DYNC2LI1: variants seen among roughly 807,000 people sequenced by gnomAD.
DYNC2LI1 encodes cytoplasmic dynein 2 light intermediate chain 1.
DYNC2LI1 carries 45 observed loss-of-function variants against 51.9 expected under a neutral mutation model. That is an observed-to-expected ratio of 0.87 (90% CI 0.68 to 1.11). The LOEUF (loss-of-function observed/expected upper bound fraction) is 1.11, where lower values mean the gene tolerates loss of function less well. Among genes scored for constraint, DYNC2LI1 ranks in the 50% most tolerant of loss-of-function variants. The pLI is 0.00. For synonymous variants in DYNC2LI1, 130 were observed against 137.8 expected, an observed-to-expected ratio of 0.94 and a Z score of 0.40; for missense variants, 490 against 417.4, an observed-to-expected ratio of 1.17 and a Z score of -1.51.
rs762110402 is a variant in DYNC2LI1 at position 43,787,222 on chromosome 2, A to T, written c.203A>T (p.Tyr68Phe). ...PKPTLALEYT[Y>F]GRRAKGHNTP... Reference sequence around the variant, plus strand: ...CCAACCTTAGCTTTGGAATATACATATGGAAGAAGAGCAAAAGGGCACAAC... The same window carrying T: ...CCAACCTTAGCTTTGGAATATACATTTGGAAGAAGAGCAAAAGGGCACAAC... Residue 68 changes from tyrosine (Y) to phenylalanine (F), a missense_variant, in exon 4 of 13, where the codon TAT (tyrosine) becomes TTT (phenylalanine). Coordinates refer to ENST00000260605, the MANE Select transcript of DYNC2LI1 (RefSeq NM_016008.4). 40 of 1,613,416 alleles carry T rather than the reference A, an allele frequency of 2.5e-5. No homozygotes were observed. The South Asian group carries it at 4.1e-4, about 16-fold the overall frequency.
intron 5 of DYNC2LI1, chr2:43,793,731 A>T (rs1192598050): frequency 6.6e-6 from 1 of 151,832 alleles, no homozygotes; most frequent in Non-Finnish European, 1.5e-5. Context: ...ATGAGCCACC[A>T]TCCCTGGCCT....
intron 2 of DYNC2LI1, among the ~76,000 whole-genome samples, chr2:43,779,102 T>G (rs1036833118): frequency 6.6e-6 from 1 of 151,834 alleles, no homozygotes; most frequent in Non-Finnish European, 1.5e-5. Flanking sequence ...CCCAAAAAAA[T>G]AAAACAATTA....
At chr2:43,822,480 C>G in the DYNC2LI1 span, 371 of 737,028 alleles carry the variant, frequency 5.0e-4, 35 homozygotes, top group South Asian at 2.3e-3. Context: ...TCCCCCAGGC[C>G]CCCCCCCATG....
In DYNC2LI1 at chr2:43,809,686, A is replaced by C. The variant is rs534351440; in HGVS notation, c.994-19A>C. On this transcript the variant is annotated intron_variant, in intron 12 of 12. Transcript: ENST00000260605. ...AGTAAAGTTGATTTTTCTTAAAGTG[A>C]TACATATTTTTGTTTTAGGAACTGG... 3.8e-6 allele frequency: 6 copies of C among 1,582,422 alleles called. No homozygotes were observed. In the African/African-American group the frequency reaches 4.1e-5, roughly 11 times the overall value.
the DYNC2LI1 span, among the ~76,000 whole-genome samples, chr2:43,826,791 G>A: frequency 6.6e-6 from 1 of 152,332 alleles, no homozygotes; most frequent in African/African-American, 2.4e-5. Flanking sequence ...GGCCATCTGG[G>A]CTCTGCTCAG....
chr2:43,792,893 C>T (rs963316578), intron 5 of DYNC2LI1: 44 of 1,294,070 alleles, frequency 3.4e-5, no homozygotes, highest in South Asian at 2.5e-4. Context: ...TTCAGTTATC[C>T]GTTAATCCAT....
the DYNC2LI1 span, chr2:43,822,498 G>C: frequency 1.1e-6 from 1 of 937,092 alleles, no homozygotes; most frequent in African/African-American, 1.9e-5. Context: ...ATGCACCTGG[G>C]TCCTAGCTAC....
At chr2:43,817,969 C>T in the DYNC2LI1 span, among the ~76,000 whole-genome samples, 1 of 152,126 alleles carries the variant, frequency 6.6e-6, no homozygotes, top group Non-Finnish European at 1.5e-5. Flanking sequence ...AACATTACAG[C>T]TTAGCCTGGT....
chr2:43,824,054 T>C, the DYNC2LI1 span: 8 of 1,614,102 alleles, frequency 5.0e-6, no homozygotes, highest in African/African-American at 2.7e-5. Context: ...AAACCCATGA[T>C]CAGATTCTGA....
At chr2:43,828,178 G>C in the DYNC2LI1 span, 2 of 1,609,386 alleles carry the variant, frequency 1.2e-6, no homozygotes, top group Admixed American at 3.3e-5. Context: ...CAATTCATGG[G>C]CTGGGGAGGA....
chr2:43,827,486 T>C, the DYNC2LI1 span, among the ~76,000 whole-genome samples: 6 of 151,644 alleles, frequency 4.0e-5, no homozygotes, highest in Non-Finnish European at 8.8e-5. Context: ...AGTGGCGAGG[T>C]TTCCCCAGGT....
chr2:43,798,918 T>G (rs1203956823), intron 8 of DYNC2LI1, among the ~76,000 whole-genome samples: 12 of 108,748 alleles, frequency 1.1e-4, no homozygotes, highest in South Asian at 2.7e-4. Context: ...TTTAGCAGGG[T>G]TTTTTTTTTT....
chr2:43,812,353 T>TA (rs1475815942), downstream of DYNC2LI1: 2 of 142,290 alleles, frequency 1.4e-5, no homozygotes, highest in Non-Finnish European at 3.0e-5. Context: ...TTTTTTTTTT[T>TA]ATACTTTAAG....
At position 43,794,525 on chromosome 2, in the gene DYNC2LI1, T is replaced by A. The variant is rs528201408; in HGVS notation, c.389T>A (p.Leu130His). Residue 130 changes from leucine to histidine, a missense_variant, in exon 6 of 13, where the codon CTC (leucine) becomes CAC (histidine). Physicochemically the swap from Leu to His is moderately conservative, Grantham distance 99. Transcript: ENST00000260605. ...PNDLWPTMENLLQATKSHVDK... is the reference protein window; with the variant it reads ...PNDLWPTMENHLQATKSHVDK... ...GATCTCTGGCCCACCATGGAAAATC[T>A]CTTGCAAGCCACAAAAAGCCATGTA... 6.2e-7 allele frequency: 1 copy of A among 1,614,048 alleles called. No individual in the cohort carries two copies. The highest frequency in any genetic ancestry group is 8.5e-7 in the Non-Finnish European group (1 of 1,179,994).
chr2:43,810,721 C>A (rs922172398), downstream of DYNC2LI1, among the ~76,000 whole-genome samples: 3 of 152,144 alleles, frequency 2.0e-5, no homozygotes, highest in African/African-American at 2.4e-5. Context: ...GGTTCTGACA[C>A]CCTTGAGAAC....
intron 12 of DYNC2LI1, 41 bp downstream of exon 12, chr2:43,805,287 A>G (rs1666209448): frequency 2.2e-6 from 3 of 1,362,506 alleles, no homozygotes; most frequent in Non-Finnish European, 3.1e-6. Context: ...CTGAAATTTT[A>G]ACACAAAACC....
intron 8 of DYNC2LI1, among the ~76,000 whole-genome samples, chr2:43,799,634 G>C (rs964360591): frequency 1.3e-5 from 2 of 152,190 alleles, no homozygotes; most frequent in East Asian, 3.9e-4. Context: ...GTTTGTTTAA[G>C]CAGAAGGCCT....
At chr2:43,777,827 A>G (rs968617175) in intron 2 of DYNC2LI1, among the ~76,000 whole-genome samples, 1 of 152,234 alleles carries the variant, frequency 6.6e-6, no homozygotes, top group Non-Finnish European at 1.5e-5. Flanking sequence ...CATTAAGATT[A>G]CATATATTGG....
rs1387458869 is a variant in DYNC2LI1, at chr2:43,787,273, T to C, written c.231+23T>C. The C allele has an allele frequency of 4.4e-6, 7 of 1,573,278 alleles. No individual in the cohort carries two copies. The South Asian group carries it at 6.7e-5, about 15-fold the overall frequency. Reference sequence around the variant, plus strand: ...ACAGTAAGTGTCTTTTAAAGTGACATTGCTATGCCCATAGATGGGAAAGTA... The same window carrying C: ...ACAGTAAGTGTCTTTTAAAGTGACACTGCTATGCCCATAGATGGGAAAGTA... On this transcript the variant is annotated intron_variant, in intron 4 of 12. Transcript: ENST00000260605.
Sources: gnomAD v4.1 joint callset for allele counts (sites outside exome capture counted in the v4.1 genomes callset) on GRCh38, gnomAD v4.1.1 for gene constraint, MANE v1.5 for transcripts, NCBI Gene and HGNC (gene_info 2026-07-23, HGNC 2026-07-21) for gene names.